Variants in HECW1 observed in about 807,000 individuals in gnomAD.
HECW1 encodes HECT, C2 and WW domain containing E3 ubiquitin protein ligase 1.
Under a neutral mutation model 182.3 loss-of-function variants are expected in HECW1, and 61 were observed. The ratio of observed to expected loss-of-function variants is 0.33; its 90% confidence interval spans 0.27 to 0.41. The LOEUF is 0.41. Ranked by LOEUF, HECW1 falls within the 10% of genes least tolerant of loss-of-function variation. The pLI is 1.00. For synonymous variants in HECW1, 859 were observed against 832.6 expected, an observed-to-expected ratio of 1.03 and a Z score of -0.55; for missense variants, 1,739 against 2,108.9, an observed-to-expected ratio of 0.82 and a Z score of 3.44.
At chr7:43,478,378 T>C (rs1470445274) in intron 16 of HECW1, among the ~76,000 whole-genome samples, 1 of 152,148 alleles carries the variant, frequency 6.6e-6, no homozygotes, top group East Asian at 1.9e-4. Flanking sequence ...ATCGCGCCAC[T>C]GCACTCCAGC....
chr7:43,428,091 T>C (rs1053410948), intron 8 of HECW1, among the ~76,000 whole-genome samples: 2 of 152,206 alleles, frequency 1.3e-5, no homozygotes, highest in Non-Finnish European at 2.9e-5. Context: ...GCAGGAATCT[T>C]GAGGACCATC....
chr7:43,183,185 A>T (rs1300593657), intron 2 of HECW1, among the ~76,000 whole-genome samples: 1 of 152,148 alleles, frequency 6.6e-6, no homozygotes, highest in Non-Finnish European at 1.5e-5. Flanking sequence ...TTTGCACTTG[A>T]CCTCACTACT....
intron 8 of HECW1, among the ~76,000 whole-genome samples, chr7:43,431,369 C>T (rs1419777377): frequency 1.3e-5 from 2 of 152,204 alleles, no homozygotes; most frequent in Non-Finnish European, 2.9e-5. Flanking sequence ...AGCTATGTCA[C>T]TCCTCCCACA....
intron 2 of HECW1, among the ~76,000 whole-genome samples, chr7:43,165,443 T>G (rs912773820): frequency 1.1e-4 from 16 of 152,150 alleles, no homozygotes; most frequent in Admixed American, 3.3e-4. Flanking sequence ...TGTGTGTGTT[T>G]GAATACAACA....
intron 3 of HECW1, among the ~76,000 whole-genome samples, chr7:43,283,283 C>G (rs1383670200): frequency 6.6e-6 from 1 of 152,006 alleles, no homozygotes; most frequent in Non-Finnish European, 1.5e-5. Context: ...CTCATTATCT[C>G]ACGAGTGAAC....
rs1273278565 is a variant in HECW1 at position 43,450,914 on chromosome 7, G to T, written c.2485G>T (p.Glu829Ter). 1 of 1,609,646 alleles carries T rather than the reference G, an allele frequency of 6.2e-7. No homozygotes were observed. The highest frequency in any genetic ancestry group is 1.1e-5 in the South Asian group (1 of 90,988). Reference protein sequence around the residue: ...PEHHHYPTIDEPLPPNWEARI... With the variant: ...PEHHHYPTID The stretch of plus-strand genomic sequence containing the variant: ...ACATCATCACTACCCAACAATCGAT[G>T]AGCCTCTTCCACCAAGTAAGCTTTA... Residue 829 changes from glutamate to a stop codon, truncating the protein, a stop_gained, in exon 12 of 30, where the codon GAG becomes TAG. Transcript: ENST00000395891. LOFTEE classifies it high-confidence loss of function.
chr7:43,508,783 A>C (rs1189398923), intron 23 of HECW1, 186 bp from the exon 24 acceptor site: 2 of 637,472 alleles, frequency 3.1e-6, no homozygotes, highest in African/African-American at 1.8e-5. Flanking sequence ...TCTCCAAACC[A>C]ATTACTGCAT....
At chr7:43,464,390 C>T (rs986218667) in intron 14 of HECW1, among the ~76,000 whole-genome samples, 1 of 152,140 alleles carries the variant, frequency 6.6e-6, no homozygotes, top group South Asian at 2.1e-4. Flanking sequence ...TTTCCCACTA[C>T]AGTAGGCATT....
rs550007017 is a variant in HECW1 at position 43,280,439 on chromosome 7, T to G, written c.28-31324T>G. Among the ~76,000 whole-genome samples, 5 of 152,288 alleles carry G rather than the reference T, an allele frequency of 3.3e-5. No individual in the cohort carries two copies. The East Asian group carries it at 9.6e-4, about 29-fold the overall frequency. ...TAAAATGCCGAGTCACACAGCTAGT[T>G]AACTGCAGAATGACAACTAGAACCT... On this transcript the variant is annotated intron_variant, in intron 3 of 29. Transcript: ENST00000395891.
chr7:43,257,477 C>A (rs1051979026), intron 3 of HECW1, among the ~76,000 whole-genome samples: 2 of 152,044 alleles, frequency 1.3e-5, no homozygotes, highest in Non-Finnish European at 2.9e-5. Flanking sequence ...CAGATTAGGG[C>A]CCGAAGCAAG....
chr7:43,524,919 G>C (rs1226342238), intron 24 of HECW1, among the ~76,000 whole-genome samples: 1 of 152,144 alleles, frequency 6.6e-6, no homozygotes, highest in Non-Finnish European at 1.5e-5. Context: ...AAATTTCCCT[G>C]GTATATCAGG....
intron 2 of HECW1, chr7:43,147,582 A>C (rs1788852930): frequency 6.6e-6 from 1 of 152,202 alleles, no homozygotes; most frequent in Admixed American, 6.5e-5. Flanking sequence ...TTTTTGTATC[A>C]AAGGTAAACA....
intron 5 of HECW1, among the ~76,000 whole-genome samples, chr7:43,336,141 TCTTTCTCTCTC>T (rs1161659642): frequency 1.5e-5 from 1 of 64,578 alleles, no homozygotes; most frequent in Non-Finnish European, 2.9e-5. Flanking sequence ...TCTCTCTCTC[TCTTTCTCTCTC>T]TCTCTCTCTC....
chr7:43,201,632 A>G (rs895775729), intron 2 of HECW1, among the ~76,000 whole-genome samples: 1 of 152,160 alleles, frequency 6.6e-6, no homozygotes, highest in African/African-American at 2.4e-5. Flanking sequence ...TCACAATTCC[A>G]CTTTCCAAGT....
chr7:43,424,753 G>T (rs984248242), intron 8 of HECW1, among the ~76,000 whole-genome samples: 1 of 151,978 alleles, frequency 6.6e-6, no homozygotes, highest in Non-Finnish European at 1.5e-5. Context: ...TTGTCACAAC[G>T]GAATTACTGT....
At chr7:43,287,211 G>A (rs1428878341) in intron 3 of HECW1, among the ~76,000 whole-genome samples, 1 of 151,984 alleles carries the variant, frequency 6.6e-6, no homozygotes, top group African/African-American at 2.4e-5. Flanking sequence ...AGTGAGCATG[G>A]CAAAGGATGT....
intron 8 of HECW1, among the ~76,000 whole-genome samples, chr7:43,421,363 T>C (rs939324906): frequency 6.6e-6 from 1 of 152,214 alleles, no homozygotes; most frequent in Non-Finnish European, 1.5e-5. Flanking sequence ...GTAAGAATAC[T>C]TTCATGTCCT....
intron 28 of HECW1, 27 bp downstream of exon 28, chr7:43,552,363 CA>C: frequency 8.8e-6 from 11 of 1,253,178 alleles, no homozygotes; most frequent in South Asian, 1.2e-5. Context: ...TGTAATGATG[CA>C]ATGATCACAA....
intron 8 of HECW1, among the ~76,000 whole-genome samples, chr7:43,425,369 T>C (rs963498320): frequency 1.3e-5 from 2 of 149,128 alleles, no homozygotes; most frequent in African/African-American, 4.9e-5. Flanking sequence ...CTCAATTCGG[T>C]AGGGTATCTT....
Sources: gnomAD v4.1 joint callset for allele counts (sites outside exome capture counted in the v4.1 genomes callset) on GRCh38, gnomAD v4.1.1 for gene constraint, MANE v1.5 for transcripts, NCBI Gene and HGNC (gene_info 2026-07-23, HGNC 2026-07-21) for gene names.